CATSPERE: variants seen among roughly 807,000 people sequenced by gnomAD.
CATSPERE encodes the protein cation channel sperm-associated auxiliary subunit epsilon.
In CATSPERE, 93 loss-of-function variants were observed where a neutral mutation model predicts 114.1. That is an observed-to-expected ratio of 0.81 (90% confidence interval 0.69 to 0.97). The LOEUF (loss-of-function observed/expected upper bound fraction) is 0.97, where lower values mean the gene tolerates loss of function less well. Ranked by LOEUF, CATSPERE falls within the 50% of genes least tolerant of loss-of-function variation. The pLI is 0.00. For synonymous variants in CATSPERE, 341 were observed against 384.1 expected, an observed-to-expected ratio of 0.89 and a Z score of 1.31; for missense variants, 1,058 against 1,131.6, an observed-to-expected ratio of 0.93 and a Z score of 0.93.
intron 8 of CATSPERE, among the ~76,000 whole-genome samples, chr1:244,552,051 G>T (rs1168486361): frequency 1.0e-5 from 1 of 97,112 alleles, no homozygotes; most frequent in East Asian, 3.6e-4. Context: ...GCGACAGAGA[G>T]ACACTCTGTC....
chr1:244,471,816 TTTCAGATGAAACTGCTGTGGACA>T (rs1225350972), intron 2 of CATSPERE, among the ~76,000 whole-genome samples: 1 of 152,236 alleles, frequency 6.6e-6, no homozygotes, highest in Non-Finnish European at 1.5e-5. Flanking sequence ...CTTAGAGCTA[TTTCAGATGAAACTGCTGTGGACA>T]TTCATGTACA....
intron 9 of CATSPERE, among the ~76,000 whole-genome samples, chr1:244,559,830 G>T (rs538959287): frequency 6.6e-6 from 1 of 152,182 alleles, no homozygotes; most frequent in Admixed American, 6.5e-5. Context: ...AAATTTATTA[G>T]TCCTACCGAT....
intron 21 of CATSPERE, 132 bp from the exon 22 acceptor site, chr1:244,639,796 C>A: frequency 1.3e-6 from 1 of 765,480 alleles, no homozygotes. Context: ...TGAGGGTGGA[C>A]AGTGTGTCTT....
chr1:244,511,040 A>G (rs1204587182), intron 7 of CATSPERE, among the ~76,000 whole-genome samples: 1 of 151,430 alleles, frequency 6.6e-6, no homozygotes, highest in Non-Finnish European at 1.5e-5. Flanking sequence ...ACAGGGTTTC[A>G]CCATGTTGGT....
intron 18 of CATSPERE, among the ~76,000 whole-genome samples, chr1:244,606,817 G>A (rs536650861): frequency 6.6e-6 from 1 of 151,946 alleles, no homozygotes; most frequent in South Asian, 2.1e-4. Context: ...GCCCAGGCTG[G>A]TTTCGAACTC....
chr1:244,597,036 T>C (rs926509347), intron 17 of CATSPERE, among the ~76,000 whole-genome samples: 6 of 152,080 alleles, frequency 3.9e-5, no homozygotes, highest in African/African-American at 7.2e-5. Context: ...GTAAGCTAGA[T>C]CCCCACCGGT....
intron 17 of CATSPERE, among the ~76,000 whole-genome samples, chr1:244,601,517 G>T (rs568316185): frequency 6.6e-6 from 1 of 152,308 alleles, no homozygotes; most frequent in African/African-American, 2.4e-5. Flanking sequence ...AAATAAGACA[G>T]ATTACCTACA....
chr1:244,491,145 T>C (rs1217724388), intron 6 of CATSPERE, among the ~76,000 whole-genome samples: 1 of 151,940 alleles, frequency 6.6e-6, no homozygotes, highest in Non-Finnish European at 1.5e-5. Context: ...AATATACATT[T>C]TTTTCAGCAC....
chr1:244,602,802 C>T (rs1282187061), intron 17 of CATSPERE, among the ~76,000 whole-genome samples: 1 of 152,138 alleles, frequency 6.6e-6, no homozygotes, highest in Non-Finnish European at 1.5e-5. Context: ...TGAGGATTCG[C>T]TTTAGTCAGG....
intron 2 of CATSPERE, among the ~76,000 whole-genome samples, chr1:244,470,543 G>C (rs1465609652): frequency 6.6e-6 from 1 of 152,020 alleles, no homozygotes; most frequent in East Asian, 1.9e-4. Context: ...AGAGAAATGG[G>C]AACTCTTATA....
At chr1:244,542,402 T>C (rs1658981400) in intron 8 of CATSPERE, among the ~76,000 whole-genome samples, 1 of 152,168 alleles carries the variant, frequency 6.6e-6, no homozygotes, top group African/African-American at 2.4e-5. Flanking sequence ...ATGGTGATAT[T>C]TGGGCATCTA....
intron 5 of CATSPERE, among the ~76,000 whole-genome samples, chr1:244,484,995 G>T (rs1029848312): frequency 6.6e-6 from 1 of 151,348 alleles, no homozygotes; most frequent in Admixed American, 6.6e-5. Flanking sequence ...TGGTAAGTCG[G>T]CTGTCTTTCA....
intron 5 of CATSPERE, among the ~76,000 whole-genome samples, chr1:244,490,127 G>C (rs932449986): frequency 3.3e-5 from 5 of 152,102 alleles, no homozygotes; most frequent in Admixed American, 6.5e-5. Flanking sequence ...ATCATATGAG[G>C]ACTTTGAAAT....
At chr1:244,503,808 C>T (rs1307430099) in intron 7 of CATSPERE, among the ~76,000 whole-genome samples, 1 of 152,074 alleles carries the variant, frequency 6.6e-6, no homozygotes, top group Non-Finnish European at 1.5e-5. Context: ...TGGGCTCAAG[C>T]GATCCACCCA....
intron 13 of CATSPERE, 108 bp downstream of exon 13, chr1:244,584,047 C>CA (rs1553371829): frequency 2.7e-6 from 2 of 737,106 alleles, no homozygotes; most frequent in Non-Finnish European, 2.3e-6. Flanking sequence ...GCAATACCTC[C>CA]ATACAATACC....
At chr1:244,593,628 C>A in intron 17 of CATSPERE, 50 bp downstream of exon 17, 1 of 1,474,476 alleles carries the variant, frequency 6.8e-7, no homozygotes, top group Non-Finnish European at 9.4e-7. Flanking sequence ...GTTTCAAACT[C>A]AAAGCACGAA....
chr1:244,461,310 C>T lies in CATSPERE; in HGVS notation c.-120C>T. 1.2e-6 allele frequency: 1 copy of T among 848,788 alleles called. No homozygotes were observed. Among genetic ancestry groups the T allele is most frequent in the Non-Finnish European group, 1.6e-6 (1 of 630,874 alleles). The allele number at this position is 848,788 out of a possible 1,614,324, so 52.6% of individuals were successfully genotyped here. On this transcript the variant is annotated 5_prime_UTR_variant, in exon 1 of 22. Transcript: ENST00000366534. ...CGCTGGTCTTCAGGCCCGGCCCGCC[C>T]TGTCCAGAGGCGCCGGGACCCAGGC...
intron 9 of CATSPERE, among the ~76,000 whole-genome samples, chr1:244,557,029 T>C (rs2148515904): frequency 6.6e-6 from 1 of 152,334 alleles, no homozygotes; most frequent in South Asian, 2.1e-4. Flanking sequence ...ATTAGTTGGC[T>C]ATATATGCAT....
chr1:244,608,313 G>A (rs1195975156), intron 18 of CATSPERE, among the ~76,000 whole-genome samples: 2 of 151,988 alleles, frequency 1.3e-5, no homozygotes, highest in South Asian at 2.1e-4. Flanking sequence ...CGGGATGATC[G>A]CTTGAGCCTA....
Sources: allele counts gnomAD v4.1 joint callset (sites outside exome capture counted in the v4.1 genomes callset), GRCh38; gene constraint gnomAD v4.1.1; transcripts MANE v1.5; gene names NCBI Gene and HGNC (gene_info 2026-07-23, HGNC 2026-07-21).